Variants in ATF2 observed in about 807,000 individuals in gnomAD.
ATF2 encodes the protein activating transcription factor 2.
A neutral mutation model predicts 60.6 loss-of-function variants in ATF2; 24 were observed. The ratio of observed to expected loss-of-function variants is 0.40; its 90% CI spans 0.29 to 0.56. The LOEUF (loss-of-function observed/expected upper bound fraction) is 0.56. Ranked by LOEUF, ATF2 falls within the 20% of genes least tolerant of loss-of-function variation. The pLI is 0.54. For synonymous variants in ATF2, 206 were observed against 215.4 expected, an observed-to-expected ratio of 0.96 and a Z score of 0.38; for missense variants, 433 against 607.7, an observed-to-expected ratio of 0.71 and a Z score of 3.02.
intron 12 of ATF2, 68 bp downstream of exon 12, chr2:175,092,993 A>G (rs1341466554): frequency 2.2e-6 from 3 of 1,391,682 alleles, no homozygotes; most frequent in Middle Eastern, 1.9e-4. Context: ...CCCAACTAGG[A>G]AAAAAAAAAT....
chr2:175,160,237 T>G (rs1033149633), intron 1 of ATF2, among the ~76,000 whole-genome samples: 2 of 152,068 alleles, frequency 1.3e-5, no homozygotes, highest in African/African-American at 4.8e-5. Context: ...ATTAAAAAAT[T>G]AGCTGGGTAT....
At chr2:175,079,336 A>G (rs1403416896) in intron 13 of ATF2, among the ~76,000 whole-genome samples, 1 of 152,186 alleles carries the variant, frequency 6.6e-6, no homozygotes, top group Non-Finnish European at 1.5e-5. Flanking sequence ...TGAAAATCCA[A>G]GAGAGATTTC....
chr2:175,143,660 T>G (rs921725311), intron 2 of ATF2, among the ~76,000 whole-genome samples: 4 of 152,242 alleles, frequency 2.6e-5, no homozygotes. Flanking sequence ...GTGGATATCA[T>G]TTTTTAACAT....
intron 1 of ATF2, among the ~76,000 whole-genome samples, chr2:175,158,357 G>A (rs1699813258): frequency 1.3e-5 from 2 of 151,144 alleles, no homozygotes; most frequent in Admixed American, 1.3e-4. Flanking sequence ...TCCTCAGTAG[G>A]CGGAACCACA....
intron 2 of ATF2, among the ~76,000 whole-genome samples, chr2:175,147,240 G>A (rs1699023676): frequency 6.6e-6 from 1 of 152,106 alleles, no homozygotes; most frequent in Admixed American, 6.6e-5. Flanking sequence ...ATATTCCCAT[G>A]TCATTTTTAA....
At chr2:175,088,578 G>T (rs958784778) in intron 12 of ATF2, among the ~76,000 whole-genome samples, 2 of 151,518 alleles carry the variant, frequency 1.3e-5, no homozygotes, top group East Asian at 4.0e-4. Context: ...CGGAATCACA[G>T]TTTTTGCCAT....
chr2:175,106,171 A>C (rs572584569), intron 10 of ATF2, among the ~76,000 whole-genome samples: 93 of 152,312 alleles, frequency 6.1e-4, no homozygotes, highest in Admixed American at 1.2e-3. Flanking sequence ...CTACACACTA[A>C]AAGAAAATAG....
At chr2:175,162,696 GTAAAA>G (rs1700098048) in intron 1 of ATF2, among the ~76,000 whole-genome samples, 1 of 152,018 alleles carries the variant, frequency 6.6e-6, no homozygotes, top group Non-Finnish European at 1.5e-5. Context: ...TGCTATAAAA[GTAAAA>G]TAAAACTTAT....
chr2:175,075,496 TAAGGA>T (rs1277781659), intron 13 of ATF2, among the ~76,000 whole-genome samples: 3 of 152,186 alleles, frequency 2.0e-5, no homozygotes, highest in African/African-American at 2.4e-5. Context: ...GAAAAGATAT[TAAGGA>T]AAGGGCATTC....
chr2:175,075,151 C>A, intron 13 of ATF2: 1 of 1,007,366 alleles, frequency 9.9e-7, no homozygotes, highest in Non-Finnish European at 1.3e-6. Context: ...CAGATACAAT[C>A]AAACATTAAG....
At chr2:175,150,204 TTTAAA>T (rs777916014) in intron 2 of ATF2, among the ~76,000 whole-genome samples, 3 of 152,204 alleles carry the variant, frequency 2.0e-5, no homozygotes, top group Non-Finnish European at 2.9e-5. Context: ...TATTGACAGA[TTTAAA>T]TTATTTTCCG....
At chr2:175,137,143 G>T (rs895074968) in intron 2 of ATF2, among the ~76,000 whole-genome samples, 1 of 152,196 alleles carries the variant, frequency 6.6e-6, no homozygotes, top group Non-Finnish European at 1.5e-5. Context: ...GTTCATAAAT[G>T]AAGTTTCAAG....
At chr2:175,141,708 A>T (rs1256167317) in intron 2 of ATF2, among the ~76,000 whole-genome samples, 1 of 151,878 alleles carries the variant, frequency 6.6e-6, no homozygotes, top group Non-Finnish European at 1.5e-5. Context: ...TCAGCTAGGA[A>T]GGTCTCCATC....
intron 1 of ATF2, among the ~76,000 whole-genome samples, chr2:175,165,438 C>T (rs564345602): frequency 2.0e-5 from 3 of 152,126 alleles, no homozygotes; most frequent in Non-Finnish European, 4.4e-5. Flanking sequence ...TGATCTAACA[C>T]GATCTAACAA....
intron 12 of ATF2, among the ~76,000 whole-genome samples, chr2:175,083,247 T>C (rs1693891110): frequency 6.6e-6 from 1 of 151,964 alleles, no homozygotes; most frequent in African/African-American, 2.4e-5. Context: ...CTTCAAACTA[T>C]ACTACAAGGC....
At chr2:175,141,053 GTA>G (rs1335584530) in intron 2 of ATF2, among the ~76,000 whole-genome samples, 6 of 66,958 alleles carry the variant, frequency 9.0e-5, no homozygotes, top group South Asian at 5.4e-4. Flanking sequence ...ATATATATAT[GTA>G]TATATATATG....
At chr2:175,108,528 C>G (rs1212782892) in intron 10 of ATF2, among the ~76,000 whole-genome samples, 1 of 150,142 alleles carries the variant, frequency 6.7e-6, no homozygotes, top group Non-Finnish European at 1.5e-5. Flanking sequence ...AGCCCCCGCC[C>G]GGCCAGCCGC....
Position 175,093,239 on chromosome 2 carries a change from G to A in ATF2, c.1007C>T (p.Thr336Ile). ...PASPAHTTPQ[T>I]QSTSGRRRRA... ...TCTCCGACGACCACTTGTACTTTGG[G>A]TCTGTGGAGTTGTGTGAGCTGGAGA... The change falls in exon 12 of 14, where the codon ACC (threonine) becomes ATC (isoleucine). Residue 336 changes from threonine to isoleucine, a missense_variant. This residue lies in a region of ATF2 where 246 missense variants were observed against 309.3 expected (regional missense o/e 0.80). Coordinates refer to ENST00000264110, the MANE Select transcript of ATF2 (RefSeq NM_001880.4). The A allele has an allele frequency of 1.9e-6, 3 of 1,614,022 alleles. No homozygotes were observed. Among genetic ancestry groups the A allele is most frequent in the Non-Finnish European group, 1.7e-6 (2 of 1,179,994 alleles).
At chr2:175,154,741 C>G (rs1391026469) in intron 1 of ATF2, among the ~76,000 whole-genome samples, 1 of 152,174 alleles carries the variant, frequency 6.6e-6, no homozygotes, top group Non-Finnish European at 1.5e-5. Context: ...GGTCTGCTGA[C>G]TCAAAATGTT....
Sources: allele counts gnomAD v4.1 joint callset (sites outside exome capture counted in the v4.1 genomes callset), GRCh38; gene constraint gnomAD v4.1.1; regional missense constraint gnomAD v4.1.1; transcripts MANE v1.5; gene names NCBI Gene and HGNC (gene_info 2026-07-23, HGNC 2026-07-21).